The following TXNDC9 variants were observed in gnomAD, a reference collection of about 807,000 sequenced individuals.
TXNDC9 encodes the protein thioredoxin domain containing 9.
TXNDC9 carries 7 observed loss-of-function variants against 23.0 expected under a neutral mutation model. That is an observed-to-expected ratio of 0.30 (90% CI 0.17 to 0.57). The LOEUF is 0.57. Ranked by LOEUF, TXNDC9 falls within the 20% of genes least tolerant of loss-of-function variation. The pLI is 0.90. For missense variants in TXNDC9, 198 were observed against 252.6 expected (o/e 0.78, Z 1.47); for synonymous variants, 72 against 90.6 (o/e 0.79, Z 1.17).
the TXNDC9 span, among the ~76,000 whole-genome samples, chr2:99,308,006 G>A: frequency 2.0e-5 from 3 of 152,098 alleles, no homozygotes; most frequent in Admixed American, 6.5e-5. Flanking sequence ...TAACAGCCTC[G>A]GCTAACAGAC....
intron 2 of TXNDC9, among the ~76,000 whole-genome samples, chr2:99,328,414 A>T (rs1376468682): frequency 6.6e-6 from 1 of 152,108 alleles, no homozygotes; most frequent in East Asian, 1.9e-4. Context: ...AGTCAAAGAA[A>T]AATGAATGTT....
Position 99,319,622 on chromosome 2 carries a change from A to G in TXNDC9, c.*60T>C. The G allele has an allele frequency of 1.5e-6, 2 of 1,304,100 alleles. No individual in the cohort carries two copies. The highest frequency in any genetic ancestry group is 2.2e-6 in the Non-Finnish European group (2 of 923,262). 80.8% of individuals were successfully genotyped at this position (1,304,100 alleles called of 1,614,324 possible). A position where few individuals can be genotyped will look rare whatever the true frequency, so the allele number is the denominator to read the frequency against. On this transcript the variant is annotated 3_prime_UTR_variant, in exon 5 of 5. Transcript: ENST00000264255. ...AATGTATAGACATTAATAGAATTTT[A>G]AAAACACATTTAAATCTGAAGCAGA...
the TXNDC9 span, among the ~76,000 whole-genome samples, chr2:99,312,433 G>C: frequency 1.3e-5 from 2 of 150,466 alleles, no homozygotes; most frequent in Non-Finnish European, 3.0e-5. Context: ...GGAGGTGGAG[G>C]TTGCAGTGAG....
the TXNDC9 span, among the ~76,000 whole-genome samples, chr2:99,313,209 CTGCCAACCAAGTCTTTTTTCTTCTTCTAT>C: frequency 1.3e-5 from 2 of 152,034 alleles, no homozygotes; most frequent in South Asian, 2.1e-4. Flanking sequence ...ACAAACAAAA[CTGCCAACCAAGTCTTTTTTCTTCTTCTAT>C]TTTTTAATTG....
intron 2 of TXNDC9, among the ~76,000 whole-genome samples, chr2:99,329,561 TA>T (rs2094220205): frequency 6.6e-6 from 1 of 152,224 alleles, no homozygotes; most frequent in Non-Finnish European, 1.5e-5. Flanking sequence ...GATACCCTGA[TA>T]TTTTCTTATG....
Position 99,336,312 on chromosome 2 carries a change from T to C in TXNDC9, c.-106A>G. The C allele has an allele frequency of 2.0e-6, 2 of 985,468 alleles. No individual in the cohort carries two copies. The highest frequency in any genetic ancestry group is 2.4e-6 in the Non-Finnish European group (2 of 829,976). 61.0% of individuals were successfully genotyped at this position (985,468 alleles called of 1,614,324 possible). ...GACACGTCCACTCCGGCTTTTGCCT[T>C]GCAGTAGCTGCCGGCGGCTGCAAAC... On this transcript the variant is annotated 5_prime_UTR_variant, in exon 1 of 5. Transcript: ENST00000264255.
chr2:99,323,114 G>C (rs1228806402), intron 3 of TXNDC9, among the ~76,000 whole-genome samples: 1 of 151,724 alleles, frequency 6.6e-6, no homozygotes, highest in East Asian at 2.0e-4. Flanking sequence ...AAACAGAAGT[G>C]AGATTTTCTT....
intron 3 of TXNDC9, among the ~76,000 whole-genome samples, chr2:99,325,442 T>C (rs1157951711): frequency 6.6e-6 from 1 of 152,208 alleles, no homozygotes; most frequent in African/African-American, 2.4e-5. Context: ...ATTGTGAATG[T>C]TCTAGGGATA....
At chr2:99,310,060 T>C in the TXNDC9 span, among the ~76,000 whole-genome samples, 1 of 152,208 alleles carries the variant, frequency 6.6e-6, no homozygotes, top group African/African-American at 2.4e-5. Context: ...CACAGGGTTG[T>C]TGTGATGATT....
chr2:99,310,502 G>A, the TXNDC9 span, among the ~76,000 whole-genome samples: 1 of 152,146 alleles, frequency 6.6e-6, no homozygotes, highest in Non-Finnish European at 1.5e-5. Flanking sequence ...TCATTAGAAT[G>A]ATTGGAATCA....
downstream of TXNDC9, among the ~76,000 whole-genome samples, chr2:99,314,529 CTT>C (rs55729391): frequency 6.8e-4 from 66 of 97,414 alleles, no homozygotes; most frequent in African/African-American, 2.4e-3. Context: ...AATACTACAC[CTT>C]TTTTTTTTTT....
chr2:99,322,345 G>A, intron 3 of TXNDC9, 136 bp from the exon 4 acceptor site: 1 of 1,313,840 alleles, frequency 7.6e-7, no homozygotes, highest in South Asian at 1.6e-5. Flanking sequence ...TTAAACTTGT[G>A]TCAGATGACC....
rs773846343 is a variant in TXNDC9, at chr2:99,334,162, G to A, written c.-32-920C>T. Among the ~76,000 whole-genome samples, 3 of 152,170 alleles carry A rather than the reference G, an allele frequency of 2.0e-5. No homozygotes were observed. In the South Asian group the frequency reaches 6.2e-4, roughly 31 times the overall value. The stretch of plus-strand genomic sequence containing the variant: ...GTTCAGATGTTTGAGACCAGCCTGG[G>A]AAACATGATGGAACCCTGTCTCTAC... On this transcript the variant is annotated intron_variant, in intron 1 of 4. Transcript: ENST00000264255.
intron 2 of TXNDC9, among the ~76,000 whole-genome samples, chr2:99,329,966 C>CA (rs70940164): frequency 0.23 from 32,497 of 143,822 alleles, 4,361 homozygotes; most frequent in East Asian, 0.36. Flanking sequence ...GACCCTGTCT[C>CA]AAAAAAAAAA....
chr2:99,334,720 C>CT (rs970365754), intron 1 of TXNDC9, among the ~76,000 whole-genome samples: 60 of 149,912 alleles, frequency 4.0e-4, no homozygotes, highest in Middle Eastern at 3.5e-3. Flanking sequence ...CAAAATTTTA[C>CT]TTTTTTTTTT....
intron 2 of TXNDC9, among the ~76,000 whole-genome samples, chr2:99,330,431 A>G (rs2094222135): frequency 6.6e-6 from 1 of 151,692 alleles, no homozygotes; most frequent in Non-Finnish European, 1.5e-5. Flanking sequence ...ACCTCTACCA[A>G]TGCTCAGGGC....
At position 99,319,193 on chromosome 2, in the gene TXNDC9, T is replaced by C. The variant is rs1388325489; in HGVS notation, c.*489A>G. On this transcript the variant is annotated 3_prime_UTR_variant, in exon 5 of 5. Coordinates refer to ENST00000264255, the MANE Select transcript of TXNDC9 (RefSeq NM_005783.4). Reference sequence around the variant, plus strand: ...AAAATAGCTTTCTGCTGGCATCAGTTGATTCAACATCAACATGCAGTGTCC... The same window carrying C: ...AAAATAGCTTTCTGCTGGCATCAGTCGATTCAACATCAACATGCAGTGTCC... The C allele has an allele frequency of 6.6e-6, 1 of 152,360 alleles. No homozygotes were observed. Among genetic ancestry groups the C allele is most frequent in the African/African-American group, 2.4e-5 (1 of 41,466 alleles). The allele number at this position is 152,360 out of a possible 1,614,324, so 9.4% of individuals were successfully genotyped here.
At chr2:99,328,786 G>A (rs529272304) in intron 2 of TXNDC9, among the ~76,000 whole-genome samples, 86 of 150,456 alleles carry the variant, frequency 5.7e-4, no homozygotes, top group Non-Finnish European at 1.1e-3. Context: ...GACTAGCCTC[G>A]CCAACATGGT....
intron 2 of TXNDC9, among the ~76,000 whole-genome samples, chr2:99,329,939 C>T (rs2094220956): frequency 6.6e-6 from 1 of 151,286 alleles, no homozygotes; most frequent in Admixed American, 6.6e-5. Flanking sequence ...TGCACTCCAG[C>T]CTGGGTGACA....
Sources: allele counts gnomAD v4.1 joint callset (sites outside exome capture counted in the v4.1 genomes callset), GRCh38; gene constraint gnomAD v4.1.1; transcripts MANE v1.5; gene names NCBI Gene and HGNC (gene_info 2026-07-23, HGNC 2026-07-21).